Variants in SYNPR observed in about 807,000 individuals in gnomAD.
The protein encoded by SYNPR is synaptoporin.
In SYNPR, 23 loss-of-function variants were observed where a neutral mutation model predicts 32.9. That is an observed-to-expected ratio of 0.70 (90% confidence interval 0.50 to 0.99). SYNPR has a LOEUF of 0.99. Among genes scored for constraint, SYNPR ranks in the 50% least tolerant of loss-of-function variants. The pLI, the probability that SYNPR is intolerant of heterozygous loss-of-function variation, is 0.00. For synonymous variants in SYNPR, 146 were observed against 135.9 expected (o/e 1.07, Z -0.52); for missense variants, 318 against 349.3 (o/e 0.91, Z 0.71).
intron 2 of SYNPR, among the ~76,000 whole-genome samples, chr3:63,416,843 C>T (rs1162034142): frequency 6.6e-6 from 1 of 152,088 alleles, no homozygotes; most frequent in Non-Finnish European, 1.5e-5. Context: ...ACAGGAAAAA[C>T]CTGCCCCCAT....
At chr3:63,253,191 G>C (rs994305056) in intron 2 of SYNPR, among the ~76,000 whole-genome samples, 11 of 151,972 alleles carry the variant, frequency 7.2e-5, no homozygotes, top group Admixed American at 6.6e-4. Flanking sequence ...CCATTTGAGG[G>C]TGGATTTAAA....
chr3:63,394,338 A>T (rs2107089674), intron 2 of SYNPR, among the ~76,000 whole-genome samples: 1 of 152,150 alleles, frequency 6.6e-6, no homozygotes, highest in South Asian at 2.1e-4. Flanking sequence ...CTTTAACCTT[A>T]CTCACTCTAA....
At chr3:63,594,968 T>C (rs1028219764) in intron 4 of SYNPR, among the ~76,000 whole-genome samples, 5 of 152,184 alleles carry the variant, frequency 3.3e-5, no homozygotes, top group Non-Finnish European at 4.4e-5. Flanking sequence ...GAGAAAACCA[T>C]GCTTGGAGAA....
At chr3:63,291,735 A>G (rs1471342639) in intron 2 of SYNPR, among the ~76,000 whole-genome samples, 6 of 152,210 alleles carry the variant, frequency 3.9e-5, no homozygotes, top group Non-Finnish European at 7.3e-5. Flanking sequence ...TGAAATTGAT[A>G]GTGGCATTAA....
At chr3:63,321,464 C>T (rs557369830) in intron 2 of SYNPR, among the ~76,000 whole-genome samples, 92 of 152,060 alleles carry the variant, frequency 6.1e-4, no homozygotes, top group African/African-American at 1.3e-3. Flanking sequence ...TGTTATTATG[C>T]GGGTTATGAA....
At chr3:63,536,934 G>A (rs1702219835) in intron 3 of SYNPR, among the ~76,000 whole-genome samples, 1 of 152,004 alleles carries the variant, frequency 6.6e-6, no homozygotes, top group African/African-American at 2.4e-5. Flanking sequence ...AATTTCCAGG[G>A]CTGAGGGATG....
At chr3:63,348,784 A>T (rs2087469949) in intron 2 of SYNPR, among the ~76,000 whole-genome samples, 1 of 152,218 alleles carries the variant, frequency 6.6e-6, no homozygotes, top group Non-Finnish European at 1.5e-5. Flanking sequence ...ATTGAAAAGG[A>T]CATTCTTTCT....
At chr3:63,465,882 G>C (rs1205518730) in intron 2 of SYNPR, among the ~76,000 whole-genome samples, 1 of 151,910 alleles carries the variant, frequency 6.6e-6, no homozygotes, top group Non-Finnish European at 1.5e-5. Flanking sequence ...GTAATTGGTT[G>C]ATACGTCCCT....
chr3:63,539,835 A>C (rs879049190), intron 3 of SYNPR, among the ~76,000 whole-genome samples: 5 of 152,080 alleles, frequency 3.3e-5, no homozygotes, highest in Admixed American at 3.3e-4. Flanking sequence ...AACTGTATGG[A>C]ACACACCCAA....
intron 2 of SYNPR, among the ~76,000 whole-genome samples, chr3:63,366,949 G>A (rs1262839954): frequency 6.6e-6 from 1 of 152,228 alleles, no homozygotes; most frequent in East Asian, 1.9e-4. Context: ...AGACCAGGTG[G>A]TGGTGGCAGT....
intron 3 of SYNPR, among the ~76,000 whole-genome samples, chr3:63,534,513 G>T (rs1702167418): frequency 6.6e-6 from 1 of 152,102 alleles, no homozygotes; most frequent in African/African-American, 2.4e-5. Context: ...GTTTTTAAGT[G>T]CTTCTGTGTA....
intron 3 of SYNPR, among the ~76,000 whole-genome samples, chr3:63,524,880 A>T (rs1271339116): frequency 2.0e-5 from 3 of 150,880 alleles, no homozygotes; most frequent in South Asian, 2.1e-4. Context: ...TGAGAGAGAG[A>T]GAGAGAGAGA....
intron 3 of SYNPR, among the ~76,000 whole-genome samples, chr3:63,502,148 A>G (rs1014345921): frequency 7.2e-5 from 11 of 152,140 alleles, no homozygotes; most frequent in Non-Finnish European, 1.6e-4. Context: ...TAGCTACCAG[A>G]AAATTTAAAA....
At chr3:63,613,148 G>T (rs1700225922) in intron 5 of SYNPR, among the ~76,000 whole-genome samples, 1 of 130,254 alleles carries the variant, frequency 7.7e-6, no homozygotes, top group Non-Finnish European at 1.7e-5. Context: ...GCCATGCTCA[G>T]CTAATTTTTT....
At chr3:63,436,060 A>C (rs1263486492) in intron 2 of SYNPR, among the ~76,000 whole-genome samples, 3 of 152,216 alleles carry the variant, frequency 2.0e-5, no homozygotes, top group Non-Finnish European at 4.4e-5. Context: ...CATACGCCAT[A>C]AACAATTGCA....
At chr3:63,584,326 A>C (rs980831407) in intron 4 of SYNPR, among the ~76,000 whole-genome samples, 1 of 152,130 alleles carries the variant, frequency 6.6e-6, no homozygotes, top group African/African-American at 2.4e-5. Context: ...GTTAATGTGC[A>C]TTCCTTTGGC....
At chr3:63,246,749 T>A (rs1215527210) in intron 1 of SYNPR, among the ~76,000 whole-genome samples, 1 of 152,058 alleles carries the variant, frequency 6.6e-6, no homozygotes, top group Non-Finnish European at 1.5e-5. Context: ...TGAAATGCTG[T>A]ACGGGGCCTC....
intron 5 of SYNPR, among the ~76,000 whole-genome samples, chr3:63,612,873 C>A (rs370758983): frequency 7.2e-6 from 1 of 138,192 alleles, no homozygotes; most frequent in Non-Finnish European, 1.6e-5. Flanking sequence ...ATTTTTCCTC[C>A]CCTCCCCCAC....
At chr3:63,261,711 T>TATAATAATAATA (rs60616720) in intron 2 of SYNPR, among the ~76,000 whole-genome samples, 2,103 of 145,586 alleles carry the variant, frequency 0.014, 24 homozygotes, top group East Asian at 0.04. Context: ...AAACTTAAAG[T>TATAATAATAATA]ATAATAATAA....
Sources: allele counts gnomAD v4.1 joint callset (sites outside exome capture counted in the v4.1 genomes callset), GRCh38; gene constraint gnomAD v4.1.1; transcripts MANE v1.5; gene names NCBI Gene and HGNC (gene_info 2026-07-23, HGNC 2026-07-21).